EML6: variants seen among roughly 807,000 people sequenced by gnomAD.
The protein encoded by EML6 is echinoderm microtubule-associated protein-like 6.
In EML6, 154 loss-of-function variants were observed where a neutral mutation model predicts 240.1. The observed-to-expected ratio is 0.64, with a 90% CI of 0.56 to 0.73. The LOEUF (loss-of-function observed/expected upper bound fraction) is 0.73. Ranked by LOEUF, EML6 falls within the 30% of genes least tolerant of loss-of-function variation. The pLI is 0.00. For synonymous variants in EML6, 1,148 were observed against 899.0 expected (o/e 1.28, Z -4.95); for missense variants, 2,964 against 2,474.6 (o/e 1.20, Z -4.20).
chr2:54,961,690 A>T (rs770348658), intron 35 of EML6, among the ~76,000 whole-genome samples: 4 of 151,676 alleles, frequency 2.6e-5, no homozygotes, highest in Non-Finnish European at 4.4e-5. Flanking sequence ...GCAATTAAGA[A>T]TGGACAGTTT....
chr2:54,891,504 G>T (rs1004099268), intron 18 of EML6, among the ~76,000 whole-genome samples: 1 of 152,124 alleles, frequency 6.6e-6, no homozygotes, highest in Admixed American at 6.6e-5. Flanking sequence ...TATTTGGATG[G>T]TTCCTTTATT....
intron 2 of EML6, among the ~76,000 whole-genome samples, chr2:54,763,203 T>C (rs549486539): frequency 9.9e-5 from 15 of 152,248 alleles, no homozygotes; most frequent in Non-Finnish European, 2.2e-4. Flanking sequence ...TAAGAAGAGT[T>C]CAAGATTTAT....
At chr2:54,862,465 A>G (rs1670730409) in intron 12 of EML6, among the ~76,000 whole-genome samples, 1 of 152,000 alleles carries the variant, frequency 6.6e-6, no homozygotes, top group African/African-American at 2.4e-5. Context: ...ACTTGGAAAG[A>G]CAGATTACTG....
intron 17 of EML6, chr2:54,882,100 A>G (rs542888960): frequency 1.3e-5 from 2 of 152,340 alleles, no homozygotes; most frequent in African/African-American, 4.8e-5. Context: ...GCTCACAGAA[A>G]CTAGAGAAAT....
intron 2 of EML6, among the ~76,000 whole-genome samples, chr2:54,735,270 T>C (rs1051827287): frequency 6.6e-6 from 1 of 152,244 alleles, no homozygotes; most frequent in African/African-American, 2.4e-5. Context: ...TACCCATGTT[T>C]CCATCTGGTT....
intron 24 of EML6, among the ~76,000 whole-genome samples, chr2:54,906,368 C>T (rs942708902): frequency 6.6e-6 from 1 of 152,138 alleles, no homozygotes; most frequent in Admixed American, 6.6e-5. Flanking sequence ...AGATCTCGGC[C>T]AGGATCAGGG....
chr2:54,892,733 G>GGA, intron 19 of EML6, 77 bp downstream of exon 19: 1 of 1,151,938 alleles, frequency 8.7e-7, no homozygotes, highest in Non-Finnish European at 1.2e-6. Flanking sequence ...TGGCCCAAGA[G>GGA]GATGCCTGTA....
rs1669827677 is a variant in EML6, at chr2:54,847,482, C to T, written c.1050-4C>T. On this transcript the variant is annotated splice_region_variant and splice_polypyrimidine_tract_variant and intron_variant, in intron 8 of 41. Coordinates refer to ENST00000356458, the MANE Select transcript of EML6 (RefSeq NM_001039753.4). ...TTTTGTTTTGACTTCGTTCTTGTGCCTAGGCTGTGGAGCCTGGCTGATCAT... is the reference window on the plus strand; with the variant it reads ...TTTTGTTTTGACTTCGTTCTTGTGCTTAGGCTGTGGAGCCTGGCTGATCAT... 13 of 1,550,984 alleles carry T rather than the reference C, an allele frequency of 8.4e-6. No individual in the cohort carries two copies. Among genetic ancestry groups the T allele is most frequent in the Non-Finnish European group, 1.1e-5 (13 of 1,146,978 alleles).
At chr2:54,917,097 T>C (rs925817018) in intron 26 of EML6, among the ~76,000 whole-genome samples, 162 bp downstream of exon 26, 2 of 152,216 alleles carry the variant, frequency 1.3e-5, no homozygotes, top group Non-Finnish European at 2.9e-5. Context: ...TTTGAGTGAC[T>C]AATTTCAGTG....
intron 5 of EML6, among the ~76,000 whole-genome samples, chr2:54,824,442 A>C (rs1436960993): frequency 6.6e-6 from 1 of 152,174 alleles, no homozygotes; most frequent in Non-Finnish European, 1.5e-5. Flanking sequence ...TGTATTCTCT[A>C]TATCCAATTA....
intron 2 of EML6, among the ~76,000 whole-genome samples, chr2:54,793,673 T>G (rs1669594189): frequency 6.6e-6 from 1 of 152,154 alleles, no homozygotes; most frequent in African/African-American, 2.4e-5. Flanking sequence ...GCAATGTCCC[T>G]GTAGGAAACA....
chr2:54,916,967 T>TAAGTG (rs1458159569), intron 26 of EML6, 32 bp downstream of exon 26: 1 of 1,474,362 alleles, frequency 6.8e-7, no homozygotes, highest in Non-Finnish European at 9.2e-7. Flanking sequence ...CTTTACTTGC[T>TAAGTG]CAGTCTCCTT....
intron 2 of EML6, among the ~76,000 whole-genome samples, chr2:54,753,186 G>C (rs549481493): frequency 1.3e-5 from 2 of 152,188 alleles, no homozygotes; most frequent in Non-Finnish European, 2.9e-5. Flanking sequence ...ACTTGGTATT[G>C]AATGTCTTTT....
rs190874454 is a variant in EML6 at position 54,874,552 on chromosome 2, T to A, written c.2344+2947T>A. 1.8e-3 allele frequency among the ~76,000 whole-genome samples: 277 copies of A among 152,370 alleles called. 1 individual carries two copies. Among genetic ancestry groups the A allele is most frequent in the Admixed American group, 5.6e-3 (85 of 15,306 alleles). On this transcript the variant is annotated intron_variant, in intron 16 of 41. Transcript: ENST00000356458. ...TTGCTTATGGAAATTCACCTTTTTGTCTTACAGGTTAAGTAGTATGTCAAT... is the reference window on the plus strand; with the variant it reads ...TTGCTTATGGAAATTCACCTTTTTGACTTACAGGTTAAGTAGTATGTCAAT...
At chr2:54,750,884 T>C (rs1684132430) in intron 2 of EML6, among the ~76,000 whole-genome samples, 5 of 152,168 alleles carry the variant, frequency 3.3e-5, no homozygotes, top group African/African-American at 1.2e-4. Context: ...GAAATTGTGA[T>C]TGGCAGTCCT....
intron 2 of EML6, among the ~76,000 whole-genome samples, chr2:54,761,543 A>G (rs1483094533): frequency 6.6e-6 from 1 of 152,204 alleles, no homozygotes; most frequent in Non-Finnish European, 1.5e-5. Context: ...TCACAAAGGC[A>G]TAAAAGTGGA....
In EML6 at chr2:54,899,514, A is replaced by G; in HGVS notation, c.2983-127A>G. 1.3e-5 allele frequency: 12 copies of G among 936,706 alleles called. No individual in the cohort carries two copies. In the South Asian group the frequency reaches 2.2e-4, roughly 17 times the overall value. 58.0% of individuals were successfully genotyped at this position (936,706 alleles called of 1,614,324 possible). ...TGATGATTTTGGTTCAAGGAAGCTCAAAGTGTGTTTATTCCTATTTGTGCT... is the reference window on the plus strand; with the variant it reads ...TGATGATTTTGGTTCAAGGAAGCTCGAAGTGTGTTTATTCCTATTTGTGCT... On this transcript the variant is annotated intron_variant, in intron 21 of 41. Coordinates refer to ENST00000356458, the MANE Select transcript of EML6 (RefSeq NM_001039753.4).
chr2:54,949,088 C>G, intron 29 of EML6, 128 bp downstream of exon 29: 1 of 703,910 alleles, frequency 1.4e-6, no homozygotes, highest in Non-Finnish European at 2.5e-6. Context: ...CTCTTTTGTC[C>G]CCTCTCCCTC....
chr2:54,939,320 C>T (rs920877238), intron 28 of EML6, among the ~76,000 whole-genome samples: 1 of 152,166 alleles, frequency 6.6e-6, no homozygotes, highest in African/African-American at 2.4e-5. Flanking sequence ...AGCCCTTGCC[C>T]CAGACTGCAT....
Sources: allele counts gnomAD v4.1 joint callset (sites outside exome capture counted in the v4.1 genomes callset), GRCh38; gene constraint gnomAD v4.1.1; transcripts MANE v1.5; gene names NCBI Gene and HGNC (gene_info 2026-07-23, HGNC 2026-07-21).